The following FSHR variants were observed in gnomAD, a reference collection of about 807,000 sequenced individuals.
The protein encoded by FSHR is follicle-stimulating hormone receptor.
A neutral mutation model predicts 52.1 loss-of-function variants in FSHR; 46 were observed. That is an observed-to-expected ratio of 0.88 (90% CI 0.70 to 1.13). The LOEUF (loss-of-function observed/expected upper bound fraction) is 1.13. FSHR is among the 50% of genes most tolerant of loss of function. The pLI is 0.00. For missense variants in FSHR, 964 were observed against 834.6 expected (o/e 1.16, Z -1.91); for synonymous variants, 399 against 309.6 (o/e 1.29, Z -3.03).
chr2:48,979,198 G>T (rs1219320283), intron 8 of FSHR, among the ~76,000 whole-genome samples: 1 of 152,098 alleles, frequency 6.6e-6, no homozygotes, highest in African/African-American at 2.4e-5. Context: ...TAATTCCAGT[G>T]CTTTGGGAGT....
intron 2 of FSHR, among the ~76,000 whole-genome samples, chr2:49,058,550 C>T (rs1669154542): frequency 6.6e-6 from 1 of 151,698 alleles, no homozygotes; most frequent in South Asian, 2.1e-4. Flanking sequence ...GTTTCAACAC[C>T]CTCCTCCCCA....
chr2:49,134,345 C>T (rs182621849), intron 1 of FSHR, among the ~76,000 whole-genome samples: 1 of 152,330 alleles, frequency 6.6e-6, no homozygotes, highest in East Asian at 1.9e-4. Flanking sequence ...CAGAGAAATG[C>T]AAATCGAAAC....
At chr2:48,968,368 T>G (rs759370466) in intron 9 of FSHR, among the ~76,000 whole-genome samples, 1 of 152,200 alleles carries the variant, frequency 6.6e-6, no homozygotes, top group Non-Finnish European at 1.5e-5. Flanking sequence ...AAGGATTAAA[T>G]CTATAATGGT....
intron 1 of FSHR, among the ~76,000 whole-genome samples, chr2:49,127,830 CTCT>C (rs869083755): frequency 2.4e-4 from 5 of 21,054 alleles, no homozygotes; most frequent in Admixed American, 6.1e-4. Flanking sequence ...CTTCTTCTTC[CTCT>C]TCTTCTTCTT....
Position 49,047,347 on chromosome 2 carries a change from A to G in FSHR, c.224+20872T>C, listed in dbSNP as rs563589081. Among the ~76,000 whole-genome samples, 50 of 152,298 alleles carry G rather than the reference A, an allele frequency of 3.3e-4. 1 individual carries two copies. The highest frequency in any genetic ancestry group is 1.2e-3 in the African/African-American group (50 of 41,574). ...CAAATATGTGATGACTGACACCTCAATTTTCAACATTCAGTAAAGAAAAAA... is the reference window on the plus strand; with the variant it reads ...CAAATATGTGATGACTGACACCTCAGTTTTCAACATTCAGTAAAGAAAAAA... On this transcript the variant is annotated intron_variant, in intron 2 of 9. Coordinates refer to ENST00000406846, the MANE Select transcript of FSHR (RefSeq NM_000145.4).
At chr2:49,031,796 G>A (rs191454347) in intron 2 of FSHR, among the ~76,000 whole-genome samples, 40 of 152,176 alleles carry the variant, frequency 2.6e-4, no homozygotes, top group South Asian at 6.2e-4. Context: ...TTTGAAATGG[G>A]GATAATGGTA....
At chr2:49,093,188 A>G (rs1670678848) in intron 1 of FSHR, among the ~76,000 whole-genome samples, 1 of 152,164 alleles carries the variant, frequency 6.6e-6, no homozygotes, top group African/African-American at 2.4e-5. Context: ...TGTAACATGA[A>G]CTGGGAAATA....
At chr2:49,151,570 G>T (rs17038373) in intron 1 of FSHR, among the ~76,000 whole-genome samples, 3 of 151,922 alleles carry the variant, frequency 2.0e-5, no homozygotes, top group Non-Finnish European at 2.9e-5. Flanking sequence ...TGGAATGATA[G>T]GATAAAAATG....
chr2:48,997,246 A>G (rs1439753396), intron 4 of FSHR: 2 of 985,014 alleles, frequency 2.0e-6, no homozygotes, highest in Non-Finnish European at 2.4e-6. Context: ...ACAGTAGGAA[A>G]GCCTGGTTTC....
intron 1 of FSHR, among the ~76,000 whole-genome samples, chr2:49,123,225 G>T (rs1359759131): frequency 6.6e-6 from 1 of 152,146 alleles, no homozygotes; most frequent in Non-Finnish European, 1.5e-5. Flanking sequence ...TTTCAGCCAG[G>T]CGCGGTGGTT....
chr2:49,089,523 C>T (rs1670523300), intron 1 of FSHR, among the ~76,000 whole-genome samples: 1 of 152,142 alleles, frequency 6.6e-6, no homozygotes, highest in Non-Finnish European at 1.5e-5. Context: ...AACACAGAGA[C>T]TCTTCATTAA....
chr2:48,985,066 C>G (rs1675427699), intron 6 of FSHR, among the ~76,000 whole-genome samples: 1 of 152,010 alleles, frequency 6.6e-6, no homozygotes, highest in Non-Finnish European at 1.5e-5. Flanking sequence ...TACACGCACC[C>G]CTGGTCTCTT....
intron 4 of FSHR, among the ~76,000 whole-genome samples, 182 bp from the exon 5 acceptor site, chr2:48,990,819 A>T (rs1675737575): frequency 2.0e-5 from 3 of 152,184 alleles, no homozygotes; most frequent in Non-Finnish European, 4.4e-5. Context: ...CACGGTCTTA[A>T]AAGCTGTTGA....
At chr2:48,997,412 C>A in intron 4 of FSHR, 1 of 984,730 alleles carries the variant, frequency 1.0e-6, no homozygotes, top group Non-Finnish European at 1.2e-6. Context: ...AGAGGTCAGT[C>A]CTATCGGCTT....
Position 48,983,943 on chromosome 2 carries a change from T to C in FSHR, c.525-777A>G, listed in dbSNP as rs138543426. On this transcript the variant is annotated intron_variant, in intron 6 of 9. Transcript: ENST00000406846. ...GACACCTTGGGCTACAGCTCTGCCT[T>C]GCTCTGCTCCTGAGTGGATCTGAAA... is the stretch of plus-strand genomic sequence containing the variant. Among the ~76,000 whole-genome samples the C allele has an allele frequency of 2.8e-3, 426 of 152,234 alleles. 1 individual carries two copies. Among genetic ancestry groups the C allele is most frequent in the African/African-American group, 0.01 (416 of 41,552 alleles).
intron 1 of FSHR, among the ~76,000 whole-genome samples, chr2:49,087,973 G>A (rs908198275): frequency 2.5e-4 from 38 of 152,176 alleles, no homozygotes; most frequent in African/African-American, 8.7e-4. Context: ...GCTGTATCAG[G>A]CACTGTGCTA....
At chr2:48,976,926 A>G (rs1221189327) in intron 8 of FSHR, among the ~76,000 whole-genome samples, 1 of 151,910 alleles carries the variant, frequency 6.6e-6, no homozygotes, top group Non-Finnish European at 1.5e-5. Context: ...TTCTCTTCCA[A>G]AAGCCAGCTC....
intron 4 of FSHR, among the ~76,000 whole-genome samples, chr2:49,001,091 G>C (rs111544536): frequency 0.034 from 5,156 of 152,152 alleles, 247 homozygotes; most frequent in African/African-American, 0.11. Context: ...AGAGAGGCAA[G>C]GCTTACAGAG....
At chr2:49,045,527 T>C (rs1427565150) in intron 2 of FSHR, among the ~76,000 whole-genome samples, 1 of 152,230 alleles carries the variant, frequency 6.6e-6, no homozygotes, top group Non-Finnish European at 1.5e-5. Context: ...GTCACTAGAA[T>C]GTTAATTTCA....
Sources: gnomAD v4.1 joint callset for allele counts (sites outside exome capture counted in the v4.1 genomes callset) on GRCh38, gnomAD v4.1.1 for gene constraint, MANE v1.5 for transcripts, NCBI Gene and HGNC (gene_info 2026-07-23, HGNC 2026-07-21) for gene names.